Variants in NOX5 observed in about 807,000 individuals in gnomAD.
The protein encoded by NOX5 is NADPH oxidase, EF-hand calcium binding domain 5.
In NOX5, 76 loss-of-function variants were observed where a neutral mutation model predicts 85.7. That is an observed-to-expected ratio of 0.89 (90% CI 0.74 to 1.07). The LOEUF (loss-of-function observed/expected upper bound fraction) is 1.07. Ranked by LOEUF, NOX5 falls within the 50% of genes least tolerant of loss-of-function variation. The pLI is 0.00. For synonymous variants in NOX5, 405 were observed against 401.4 expected, an observed-to-expected ratio of 1.01 and a Z score of -0.11; for missense variants, 973 against 999.5, an observed-to-expected ratio of 0.97 and a Z score of 0.36.
rs1486809585 is a variant in NOX5, at chr15:69,062,519, CA to C, written c.*5824del. 1 of 152,202 alleles carries C rather than the reference CA, an allele frequency of 6.6e-6. No homozygotes were observed. Among genetic ancestry groups the C allele is most frequent in the Non-Finnish European group, 1.5e-5 (1 of 68,038 alleles). 9.4% of individuals were successfully genotyped at this position (152,202 alleles called of 1,614,324 possible). On this transcript the variant is annotated 3_prime_UTR_variant, in exon 16 of 16. Transcript: ENST00000388866. ...TATTACCTGGCCCTTGCCTACCTCT[CA>C]GGTCTTGGCAATGTCCACCTTGCTT...
At chr15:69,055,237 C>T in intron 14 of NOX5, 97 bp from the exon 15 acceptor site, 5 of 1,339,014 alleles carry the variant, frequency 3.7e-6, no homozygotes, top group Middle Eastern at 2.1e-4. Context: ...CTATGGGTCT[C>T]CTTCCAAGCC....
At chr15:69,016,195 C>T (rs1411902153) in intron 1 of NOX5, among the ~76,000 whole-genome samples, 1 of 152,046 alleles carries the variant, frequency 6.6e-6, no homozygotes. Flanking sequence ...GGGCCTGGAG[C>T]CCCTGCCTTG....
At chr15:69,047,640 GTCTC>G in intron 12 of NOX5, 103 bp downstream of exon 12, 1 of 1,445,546 alleles carries the variant, frequency 6.9e-7, no homozygotes, top group Non-Finnish European at 9.4e-7. Flanking sequence ...CCTTTCACCT[GTCTC>G]TCTCTGCTCT....
chr15:69,028,033 G>A (rs1377755735), intron 2 of NOX5, among the ~76,000 whole-genome samples, 182 bp from the exon 3 acceptor site: 3 of 152,162 alleles, frequency 2.0e-5, no homozygotes, highest in Admixed American at 6.5e-5. Context: ...TGCAGGGATC[G>A]GAACAGGTCT....
chr15:69,031,927 C>A, intron 4 of NOX5, 115 bp downstream of exon 4: 1 of 1,129,104 alleles, frequency 8.9e-7, no homozygotes, highest in Non-Finnish European at 1.2e-6. Context: ...TGCCCCGCCC[C>A]TCCCCAGTTT....
chr15:69,038,152 C>T (rs2050546257), intron 8 of NOX5: 1 of 152,708 alleles, frequency 6.5e-6, no homozygotes, highest in Non-Finnish European at 1.5e-5. Context: ...AGGATGGAGT[C>T]TAGGACGTCT....
intron 13 of NOX5, 149 bp from the exon 14 acceptor site, chr15:69,048,810 A>G (rs910477504): frequency 3.7e-6 from 2 of 547,634 alleles, no homozygotes; most frequent in Non-Finnish European, 6.6e-6. Context: ...GCTCACCTCT[A>G]TGAGCCTTGA....
intron 1 of NOX5, among the ~76,000 whole-genome samples, chr15:69,022,011 T>C (rs1054942725): frequency 2.8e-4 from 42 of 152,136 alleles, no homozygotes; most frequent in Non-Finnish European, 5.3e-4. Flanking sequence ...CTTGGTGGCA[T>C]TATTAAGTGG....
At chr15:69,035,734 C>T in intron 6 of NOX5, 24 bp from the exon 7 acceptor site, 1 of 1,608,948 alleles carries the variant, frequency 6.2e-7, no homozygotes, top group Non-Finnish European at 8.5e-7. Context: ...TGCAGTCACT[C>T]AACCTTTCTG....
At position 69,057,847 on chromosome 15, in the gene NOX5, C is replaced by G. The variant is rs1163184636; in HGVS notation, c.*1151C>G. ...GTGCATCTACATCATTTCTCTTTAT[C>G]CTGGCTCCCTCTGTCTCTGTTTTCC... On this transcript the variant is annotated 3_prime_UTR_variant, in exon 16 of 16. Transcript: ENST00000388866. The G allele has an allele frequency of 2.0e-5, 3 of 152,412 alleles. No homozygotes were observed. Among genetic ancestry groups the G allele is most frequent in the Non-Finnish European group, 4.4e-5 (3 of 68,174 alleles). 9.4% of individuals were successfully genotyped at this position (152,412 alleles called of 1,614,324 possible).
At chr15:69,022,879 C>A in intron 1 of NOX5, 6 of 426,202 alleles carry the variant, frequency 1.4e-5, no homozygotes, top group South Asian at 1.2e-4. Flanking sequence ...TCAAGCACAG[C>A]AAATGCTGAC....
chr15:69,055,512 T>A lies in NOX5; in HGVS notation c.2166+12T>A. 2 of 1,612,402 alleles carry A rather than the reference T, an allele frequency of 1.2e-6. No individual in the cohort carries two copies. Among genetic ancestry groups the A allele is most frequent in the East Asian group, 4.5e-5 (2 of 44,822 alleles). ...CTGACTGGAGCAAGGTAATGCCAACTGGAGCCCTGCAGCTTGCAGGTATGG... is the reference window on the plus strand; with the variant it reads ...CTGACTGGAGCAAGGTAATGCCAACAGGAGCCCTGCAGCTTGCAGGTATGG... On this transcript the variant is annotated intron_variant, in intron 15 of 15. Transcript: ENST00000388866.
At chr15:69,051,372 AT>A (rs968612051) in intron 14 of NOX5, among the ~76,000 whole-genome samples, 44 of 151,290 alleles carry the variant, frequency 2.9e-4, no homozygotes, top group Admixed American at 2.8e-3. Flanking sequence ...AATGTGGTTC[AT>A]TTTACGGCAA....
chr15:69,037,334 A>G (rs1296502454), intron 8 of NOX5, 124 bp downstream of exon 8: 1 of 998,128 alleles, frequency 1.0e-6, no homozygotes, highest in African/African-American at 1.6e-5. Context: ...CTGCAGCCCC[A>G]TTGCTATGGA....
At chr15:69,026,951 A>G (rs2050365839) in intron 2 of NOX5, among the ~76,000 whole-genome samples, 1 of 152,166 alleles carries the variant, frequency 6.6e-6, no homozygotes, top group Admixed American at 6.5e-5. Context: ...CTTCCTCTCA[A>G]GATAAGCTTG....
intron 14 of NOX5, among the ~76,000 whole-genome samples, chr15:69,050,398 G>A (rs1205686394): frequency 6.6e-6 from 1 of 152,058 alleles, no homozygotes; most frequent in Non-Finnish European, 1.5e-5. Context: ...AGGTCTGCTG[G>A]TGAGAAACTC....
At chr15:69,052,534 A>G (rs2050762296) in intron 14 of NOX5, among the ~76,000 whole-genome samples, 1 of 152,230 alleles carries the variant, frequency 6.6e-6, no homozygotes, top group South Asian at 2.1e-4. Context: ...AGTGTTTTAG[A>G]CTTGTTGAGT....
intron 7 of NOX5, among the ~76,000 whole-genome samples, chr15:69,036,461 T>C (rs1423773870): frequency 6.6e-6 from 1 of 152,210 alleles, no homozygotes; most frequent in Admixed American, 6.5e-5. Context: ...CACAGAGGAC[T>C]TGGTTTGGAG....
intron 1 of NOX5, among the ~76,000 whole-genome samples, chr15:69,016,463 G>T (rs968943542): frequency 6.6e-6 from 1 of 152,170 alleles, no homozygotes; most frequent in African/African-American, 2.4e-5. Flanking sequence ...CAGGTGGTCC[G>T]CAAGAAGAAC....
Sources: gnomAD v4.1 joint callset for allele counts (sites outside exome capture counted in the v4.1 genomes callset) on GRCh38, gnomAD v4.1.1 for gene constraint, MANE v1.5 for transcripts, NCBI Gene and HGNC (gene_info 2026-07-23, HGNC 2026-07-21) for gene names.